The following CNKSR3 variants were observed in gnomAD, a reference collection of about 807,000 sequenced individuals.
CNKSR3 encodes CNKSR family member 3, also known as connector enhancer of kinase suppressor of ras 3.
In CNKSR3, 36 loss-of-function variants were observed where a neutral mutation model predicts 67.7. That is an observed-to-expected ratio of 0.53 (90% CI 0.41 to 0.70). The LOEUF (loss-of-function observed/expected upper bound fraction) is 0.70, where lower values mean the gene tolerates loss of function less well. CNKSR3 is among the 30% of genes least tolerant of loss of function. The pLI is 0.00. For missense variants in CNKSR3, 630 were observed against 695.2 expected (o/e 0.91, Z 1.05); for synonymous variants, 281 against 271.4 (o/e 1.04, Z -0.35).
chr6:154,490,012 C>T (rs1042599207), intron 1 of CNKSR3, among the ~76,000 whole-genome samples: 1 of 152,146 alleles, frequency 6.6e-6, no homozygotes, highest in Non-Finnish European at 1.5e-5. Context: ...TTCATCATGG[C>T]TCCCCTTTCC....
At chr6:154,419,829 T>C (rs183603125) in intron 9 of CNKSR3, among the ~76,000 whole-genome samples, 1 of 152,100 alleles carries the variant, frequency 6.6e-6, no homozygotes, top group East Asian at 1.9e-4. Context: ...CCTGTAATCC[T>C]AGCACTTTGG....
intron 1 of CNKSR3, among the ~76,000 whole-genome samples, chr6:154,487,060 T>TCC (rs1786689127): frequency 6.6e-6 from 1 of 151,584 alleles, no homozygotes; most frequent in South Asian, 2.1e-4. Context: ...TACAGGCACG[T>TCC]GCCACCACAC....
intron 1 of CNKSR3, among the ~76,000 whole-genome samples, chr6:154,501,472 A>T (rs1298065103): frequency 6.6e-6 from 1 of 151,884 alleles, no homozygotes; most frequent in Non-Finnish European, 1.5e-5. Context: ...CTCTTCACCC[A>T]TCACCCCCAC....
intron 4 of CNKSR3, 126 bp downstream of exon 4, chr6:154,441,166 T>C (rs1055706416): frequency 3.2e-6 from 2 of 615,878 alleles, no homozygotes; most frequent in Non-Finnish European, 5.5e-6. Context: ...CCAGCTCTGA[T>C]GGAAAAAAAA....
intron 1 of CNKSR3, among the ~76,000 whole-genome samples, chr6:154,501,816 A>G (rs1383567840): frequency 6.6e-6 from 1 of 152,182 alleles, no homozygotes; most frequent in Non-Finnish European, 1.5e-5. Flanking sequence ...AGCCGGGACT[A>G]TGGATTCCCA....
At chr6:154,501,545 C>T (rs1205609115) in intron 1 of CNKSR3, among the ~76,000 whole-genome samples, 1 of 152,104 alleles carries the variant, frequency 6.6e-6, no homozygotes, top group Non-Finnish European at 1.5e-5. Context: ...GTTCGCACCT[C>T]AGGGCCTTTG....
At chr6:154,476,220 G>A (rs1786445730) in intron 1 of CNKSR3, among the ~76,000 whole-genome samples, 1 of 152,048 alleles carries the variant, frequency 6.6e-6, no homozygotes, top group South Asian at 2.1e-4. Flanking sequence ...ACTTTGGGAG[G>A]CCAAGGTGGA....
chr6:154,470,793 G>C (rs1179475836), intron 1 of CNKSR3, among the ~76,000 whole-genome samples: 1 of 152,168 alleles, frequency 6.6e-6, no homozygotes. Context: ...TTCTCTTGGG[G>C]ATATACCTAG....
At chr6:154,422,753 C>A (rs978750279) in intron 8 of CNKSR3, 101 bp from the exon 9 acceptor site, 3 of 1,350,778 alleles carry the variant, frequency 2.2e-6, no homozygotes, top group Non-Finnish European at 3.1e-6. Flanking sequence ...TGAGCAGATA[C>A]ATAGAAACAA....
At chr6:154,480,850 A>C (rs1786551432) in intron 1 of CNKSR3, among the ~76,000 whole-genome samples, 1 of 152,240 alleles carries the variant, frequency 6.6e-6, no homozygotes, top group Non-Finnish European at 1.5e-5. Context: ...CCATATCTTT[A>C]AGAAATTTAT....
At chr6:154,434,520 C>T (rs1785431380) in intron 4 of CNKSR3, among the ~76,000 whole-genome samples, 1 of 152,162 alleles carries the variant, frequency 6.6e-6, no homozygotes, top group African/African-American at 2.4e-5. Flanking sequence ...TTTACTACTT[C>T]TGAAGGAGGA....
chr6:154,501,927 T>G (rs1787005967), intron 1 of CNKSR3, among the ~76,000 whole-genome samples: 1 of 152,146 alleles, frequency 6.6e-6, no homozygotes, highest in South Asian at 2.1e-4. Context: ...TGATTTAACT[T>G]ACCTCCTGTA....
intron 1 of CNKSR3, among the ~76,000 whole-genome samples, chr6:154,473,904 C>A (rs1786385220): frequency 6.6e-6 from 1 of 151,886 alleles, no homozygotes; most frequent in South Asian, 2.1e-4. Context: ...CCTGCCTCAG[C>A]CTCCCAAGTA....
At chr6:154,407,519 T>C (rs1433799835) in intron 12 of CNKSR3, among the ~76,000 whole-genome samples, 1 of 152,232 alleles carries the variant, frequency 6.6e-6, no homozygotes, top group Non-Finnish European at 1.5e-5. Context: ...TTTTTATTTT[T>C]TGAGACAGGG....
chr6:154,489,390 G>C (rs1234302864), intron 1 of CNKSR3, among the ~76,000 whole-genome samples: 1 of 152,118 alleles, frequency 6.6e-6, no homozygotes, highest in Non-Finnish European at 1.5e-5. Flanking sequence ...AATTAGCCTG[G>C]TGTGGTGGCG....
In CNKSR3 at chr6:154,397,518, C is replaced by G. The variant is rs1365611936; in HGVS notation, c.*8836G>C. Reference sequence around the variant, plus strand: ...CAAACAATATAAAATGCCAATTTAACCAATCCACCATGCTTGTTTTTTCTT... The same window carrying G: ...CAAACAATATAAAATGCCAATTTAAGCAATCCACCATGCTTGTTTTTTCTT... On this transcript the variant is annotated 3_prime_UTR_variant, in exon 13 of 13. Transcript: ENST00000607772. 2 of 152,220 alleles carry G rather than the reference C, an allele frequency of 1.3e-5. No homozygotes were observed. The highest frequency in any genetic ancestry group is 2.9e-5 in the Non-Finnish European group (2 of 68,032). 9.4% of individuals were successfully genotyped at this position (152,220 alleles called of 1,614,324 possible). A position where few individuals can be genotyped will look rare whatever the true frequency, so the allele number is the denominator to read the frequency against.
rs1009792867 is a variant in CNKSR3 at position 154,395,777 on chromosome 6, C to G, written c.*10577G>C. 6.6e-6 allele frequency: 1 copy of G among 152,312 alleles called. No individual in the cohort carries two copies. Among genetic ancestry groups the G allele is most frequent in the African/African-American group, 2.4e-5 (1 of 41,420 alleles). 9.4% of individuals were successfully genotyped at this position (152,312 alleles called of 1,614,324 possible). ...TTGAGATGGAGTCTCACTCTGTCAC[C>G]AGGCTGGAGTGCAGTGGTGCAATCT... is the stretch of plus-strand genomic sequence containing the variant. On this transcript the variant is annotated 3_prime_UTR_variant, in exon 13 of 13. Transcript: ENST00000607772.
At chr6:154,448,096 G>A (rs1000501329) in intron 2 of CNKSR3, among the ~76,000 whole-genome samples, 1 of 152,094 alleles carries the variant, frequency 6.6e-6, no homozygotes, top group South Asian at 2.1e-4. Context: ...GTCTACAAAG[G>A]AAATTAGAAG....
At chr6:154,447,501 T>C (rs2066034) in intron 2 of CNKSR3, among the ~76,000 whole-genome samples, 45,154 of 151,932 alleles carry the variant, frequency 0.3, 7,882 homozygotes, top group African/African-American at 0.48. Context: ...ATCACTCTCC[T>C]AAGCCACGAC....
Sources: allele counts gnomAD v4.1 joint callset (sites outside exome capture counted in the v4.1 genomes callset), GRCh38; gene constraint gnomAD v4.1.1; transcripts MANE v1.5; gene names NCBI Gene and HGNC (gene_info 2026-07-23, HGNC 2026-07-21).